The following CNTN5 variants were observed in gnomAD, a reference collection of about 807,000 sequenced individuals.
CNTN5 encodes the protein contactin 5.
CNTN5 carries 77 observed loss-of-function variants against 129.1 expected under a neutral mutation model. The observed-to-expected ratio is 0.60, with a 90% confidence interval of 0.50 to 0.72. The LOEUF is 0.72. Ranked by LOEUF, CNTN5 falls within the 30% of genes least tolerant of loss-of-function variation. CNTN5 has a pLI of 0.00. For synonymous variants in CNTN5, 509 were observed against 465.6 expected, an observed-to-expected ratio of 1.09 and a Z score of -1.20; for missense variants, 1,478 against 1,328.8, an observed-to-expected ratio of 1.11 and a Z score of -1.75.
At chr11:99,351,934 T>G (rs1314543105) in intron 2 of CNTN5, among the ~76,000 whole-genome samples, 1 of 152,202 alleles carries the variant, frequency 6.6e-6, no homozygotes, top group East Asian at 1.9e-4. Context: ...CAAAGGGTTA[T>G]AAGATTTTTT....
chr11:99,548,011 C>T (rs991035298), intron 2 of CNTN5, among the ~76,000 whole-genome samples: 1 of 152,062 alleles, frequency 6.6e-6, no homozygotes, highest in African/African-American at 2.4e-5. Flanking sequence ...AAATGAATTC[C>T]TCTAGAAAAG....
At chr11:99,981,600 C>G (rs1938353735) in intron 8 of CNTN5, among the ~76,000 whole-genome samples, 1 of 152,116 alleles carries the variant, frequency 6.6e-6, no homozygotes. Flanking sequence ...CTTAACGTAT[C>G]CAGTCAAGTT....
chr11:99,976,804 C>G (rs1426551781), intron 8 of CNTN5, among the ~76,000 whole-genome samples: 1 of 152,242 alleles, frequency 6.6e-6, no homozygotes, highest in Admixed American at 6.5e-5. Context: ...GCCCTGGAAA[C>G]ACTTTCCACA....
chr11:99,710,599 G>A (rs11221080), intron 3 of CNTN5, among the ~76,000 whole-genome samples: 69 of 138,878 alleles, frequency 5.0e-4, no homozygotes, highest in East Asian at 1.7e-3. Context: ...GTGTGTGTGT[G>A]TGTATGTATG....
chr11:99,503,763 G>C (rs1003065710), intron 2 of CNTN5, among the ~76,000 whole-genome samples: 5 of 151,900 alleles, frequency 3.3e-5, no homozygotes, highest in Non-Finnish European at 7.4e-5. Flanking sequence ...ACATATAATG[G>C]AATTTTTTTT....
chr11:99,474,769 T>C (rs1372886894), intron 2 of CNTN5, among the ~76,000 whole-genome samples: 1 of 152,160 alleles, frequency 6.6e-6, no homozygotes, highest in Non-Finnish European at 1.5e-5. Flanking sequence ...AAATCTATTT[T>C]TAGGTTTCCA....
At chr11:99,379,496 G>A (rs759639240) in intron 2 of CNTN5, among the ~76,000 whole-genome samples, 1 of 151,900 alleles carries the variant, frequency 6.6e-6, no homozygotes, top group Non-Finnish European at 1.5e-5. Context: ...AAATATAATC[G>A]ATATGACATG....
chr11:100,276,800 TG>T (rs1445634221), intron 18 of CNTN5, among the ~76,000 whole-genome samples: 1 of 152,148 alleles, frequency 6.6e-6, no homozygotes, highest in African/African-American at 2.4e-5. Context: ...ATCTATCCTT[TG>T]TGTTTCAAAC....
rs2135922253 is a variant in CNTN5, at chr11:99,662,904, A to G, written c.55+106635A>G. Among the ~76,000 whole-genome samples, 2 of 152,352 alleles carry G rather than the reference A, an allele frequency of 1.3e-5. 1 individual carries two copies. The highest frequency in any genetic ancestry group is 4.1e-4 in the South Asian group (2 of 4,826). The stretch of plus-strand genomic sequence containing the variant: ...TTTGAGAAGCTCTGCTCTAGAGGAC[A>G]AAAACTCTCTTAAGTAGAAATGTTG... On this transcript the variant is annotated intron_variant, in intron 3 of 24. Coordinates refer to ENST00000524871, the MANE Select transcript of CNTN5 (RefSeq NM_014361.4).
intron 1 of CNTN5, among the ~76,000 whole-genome samples, chr11:99,173,823 C>A (rs7114546): frequency 0.8 from 121,139 of 152,080 alleles, 48,501 homozygotes; most frequent in Middle Eastern, 0.91. Flanking sequence ...CCATCAAAGC[C>A]TGAATATCAG....
At chr11:100,308,807 T>G in intron 21 of CNTN5, 1 of 988,724 alleles carries the variant, frequency 1.0e-6, no homozygotes, top group Non-Finnish European at 1.2e-6. Flanking sequence ...AATAATTTAA[T>G]GTATAAATAC....
chr11:99,863,915 T>G (rs1170645474), intron 6 of CNTN5, among the ~76,000 whole-genome samples: 1 of 152,156 alleles, frequency 6.6e-6, no homozygotes, highest in Non-Finnish European at 1.5e-5. Context: ...CAAGGGGGTA[T>G]GAAGGTACAC....
intron 6 of CNTN5, among the ~76,000 whole-genome samples, chr11:99,876,491 C>T (rs1948636426): frequency 6.6e-6 from 1 of 152,092 alleles, no homozygotes; most frequent in Non-Finnish European, 1.5e-5. Flanking sequence ...GATCCAGCCG[C>T]ACTATATGTA....
intron 2 of CNTN5, among the ~76,000 whole-genome samples, chr11:99,488,152 C>G (rs934220774): frequency 7.0e-6 from 1 of 141,926 alleles, no homozygotes; most frequent in African/African-American, 2.6e-5. Flanking sequence ...CTAAGAATCT[C>G]CAAGAAGTTT....
At chr11:99,455,800 A>G (rs952820160) in intron 2 of CNTN5, among the ~76,000 whole-genome samples, 13 of 152,164 alleles carry the variant, frequency 8.5e-5, no homozygotes, top group Non-Finnish European at 1.6e-4. Flanking sequence ...AAAATTATAT[A>G]TATTATTCCA....
rs72276833 is a variant in CNTN5, at chr11:99,462,360, C to CTTTTTTTTTTTTTT, written c.-70-93782_-70-93769dup. On this transcript the variant is annotated intron_variant, in intron 2 of 24. Transcript: ENST00000524871. ...TTTTTTTCTTTTTTTCTTTTCTTTT[C>CTTTTTTTTTTTTTT]TTTTTTTTTTTTTTTTACATTTTTC... Among the ~76,000 whole-genome samples the CTTTTTTTTTTTTTT allele has an allele frequency of 1.0e-3, 129 of 125,246 alleles. 1 individual carries two copies. Among genetic ancestry groups the CTTTTTTTTTTTTTT allele is most frequent in the East Asian group, 3.1e-3 (14 of 4,488 alleles). 82.2% of individuals were successfully genotyped at this position (125,246 alleles called of 152,430 possible).
chr11:100,159,797 C>T (rs1443431623), intron 13 of CNTN5, among the ~76,000 whole-genome samples: 1 of 151,862 alleles, frequency 6.6e-6, no homozygotes, highest in African/African-American at 2.4e-5. Flanking sequence ...AGCATTTCCT[C>T]TGAGGTTCAA....
chr11:99,101,342 T>G (rs763225521), intron 1 of CNTN5, among the ~76,000 whole-genome samples: 59 of 152,152 alleles, frequency 3.9e-4, no homozygotes, highest in Non-Finnish European at 6.3e-4. Context: ...CCAAATCTCA[T>G]GTCCTCATAT....
At chr11:99,934,244 G>C (rs1950256973) in intron 7 of CNTN5, among the ~76,000 whole-genome samples, 1 of 152,166 alleles carries the variant, frequency 6.6e-6, no homozygotes, top group South Asian at 2.1e-4. Flanking sequence ...GCAAACAGCT[G>C]TGGTTATATT....
Sources: gnomAD v4.1 joint callset for allele counts (sites outside exome capture counted in the v4.1 genomes callset) on GRCh38, gnomAD v4.1.1 for gene constraint, MANE v1.5 for transcripts, NCBI Gene and HGNC (gene_info 2026-07-23, HGNC 2026-07-21) for gene names.